Variants in GFRA1 observed in about 807,000 individuals in gnomAD.
The protein encoded by GFRA1 is GDNF family receptor alpha-1.
In GFRA1, 16 loss-of-function variants were observed where a neutral mutation model predicts 51.6. That is an observed-to-expected ratio of 0.31 (90% CI 0.21 to 0.47). GFRA1 has a LOEUF of 0.47. Among genes scored for constraint, GFRA1 ranks in the 20% least tolerant of loss-of-function variants. The pLI, the probability that GFRA1 is intolerant of heterozygous loss-of-function variation, is 1.00. For missense variants in GFRA1, 530 were observed against 594.3 expected (o/e 0.89, Z 1.13); for synonymous variants, 270 against 241.3 (o/e 1.12, Z -1.10).
At chr10:116,125,777 C>T (rs7914688) in intron 5 of GFRA1, among the ~76,000 whole-genome samples, 1 of 152,210 alleles carries the variant, frequency 6.6e-6, no homozygotes, top group African/African-American at 2.4e-5. Flanking sequence ...AATATTCCCA[C>T]AGATGTAGAA....
intron 9 of GFRA1, among the ~76,000 whole-genome samples, chr10:116,082,735 C>T (rs1955904532): frequency 6.6e-6 from 1 of 152,152 alleles, no homozygotes; most frequent in Non-Finnish European, 1.5e-5. Flanking sequence ...GCCTTGGCTT[C>T]CCAAAGTGCT....
At chr10:116,191,029 A>G (rs1027027199) in intron 5 of GFRA1, among the ~76,000 whole-genome samples, 2 of 152,218 alleles carry the variant, frequency 1.3e-5, no homozygotes, top group African/African-American at 4.8e-5. Flanking sequence ...TCCCATGGAG[A>G]AAAGGGCAAT....
At chr10:116,252,097 C>T (rs911469526) in intron 4 of GFRA1, among the ~76,000 whole-genome samples, 3 of 149,878 alleles carry the variant, frequency 2.0e-5, no homozygotes, top group Non-Finnish European at 2.9e-5. Context: ...ATTTGCCGGG[C>T]ATTTCCAGCC....
intron 6 of GFRA1, among the ~76,000 whole-genome samples, chr10:116,103,995 G>A: frequency 6.6e-6 from 1 of 151,770 alleles, no homozygotes; most frequent in Admixed American, 6.5e-5. Context: ...GAGCTGAGGA[G>A]CTGAGCTGCG....
rs550543733 is a variant in GFRA1, at chr10:116,185,109, A to G, written c.433+26522T>C. Reference sequence around the variant, plus strand: ...CTAGTGAAGGGCTGTAATTACTGCAATGTAACATACAGCATGGTGGTATGA... The same window carrying G: ...CTAGTGAAGGGCTGTAATTACTGCAGTGTAACATACAGCATGGTGGTATGA... On this transcript the variant is annotated intron_variant, in intron 5 of 10. Coordinates refer to ENST00000355422, the MANE Select transcript of GFRA1 (RefSeq NM_005264.8). Among the ~76,000 whole-genome samples, 6 of 152,290 alleles carry G rather than the reference A, an allele frequency of 3.9e-5. No individual in the cohort carries two copies. The South Asian group carries it at 1.2e-3, about 32-fold the overall frequency.
At chr10:116,205,514 G>A (rs557510137) in intron 5 of GFRA1, among the ~76,000 whole-genome samples, 33 of 151,392 alleles carry the variant, frequency 2.2e-4, no homozygotes, top group African/African-American at 6.5e-4. Flanking sequence ...GGCAGAGGTT[G>A]CAGTGAGCTG....
At chr10:116,263,918 C>T (rs1343665484) in intron 4 of GFRA1, among the ~76,000 whole-genome samples, 1 of 152,128 alleles carries the variant, frequency 6.6e-6, no homozygotes, top group Non-Finnish European at 1.5e-5. Flanking sequence ...GATGACTTCA[C>T]AGCTTATAGT....
intron 9 of GFRA1, among the ~76,000 whole-genome samples, chr10:116,072,065 C>T (rs926329519): frequency 6.6e-6 from 1 of 151,944 alleles, no homozygotes; most frequent in African/African-American, 2.4e-5. Flanking sequence ...CACACCTAAT[C>T]CAAAGGCTTT....
At chr10:116,235,412 T>C (rs1055439184) in intron 4 of GFRA1, among the ~76,000 whole-genome samples, 19 of 150,860 alleles carry the variant, frequency 1.3e-4, no homozygotes, top group Non-Finnish European at 2.7e-4. Context: ...CAATATCTGA[T>C]TGGATATCCA....
At position 116,091,471 on chromosome 10, in the gene GFRA1, C is replaced by G. The variant is rs1355043123; in HGVS notation, c.1016-1549G>C. On this transcript the variant is annotated intron_variant, in intron 8 of 10. Coordinates refer to ENST00000355422, the MANE Select transcript of GFRA1 (RefSeq NM_005264.8). ...GGAGTTGGTACTTAGATAAACGGAT[C>G]CAGGAAGGCCTCCTGGTGAAGGTGC... Among the ~76,000 whole-genome samples the G allele has an allele frequency of 3.9e-5, 6 of 152,222 alleles. No homozygotes were observed. The East Asian group carries it at 1.2e-3, about 29-fold the overall frequency.
rs775910055 is a variant in GFRA1, at chr10:116,093,655, G to A, written c.1015+47C>T. 1.0e-4 allele frequency: 165 copies of A among 1,573,678 alleles called. 3 individuals are homozygous for A. The South Asian group carries it at 1.8e-3, about 17-fold the overall frequency. Reference sequence around the variant, plus strand: ...ACAAGAGGTACAGCTGGAGCTCGGAGAAGAAAATGCGTTTGCTCCTTTGTT... The same window carrying A: ...ACAAGAGGTACAGCTGGAGCTCGGAAAAGAAAATGCGTTTGCTCCTTTGTT... On this transcript the variant is annotated intron_variant, in intron 8 of 10. Transcript: ENST00000355422.
chr10:116,201,950 G>A (rs1350848253), intron 5 of GFRA1, among the ~76,000 whole-genome samples: 3 of 152,120 alleles, frequency 2.0e-5, no homozygotes, highest in Non-Finnish European at 4.4e-5. Context: ...CCAGAGTTCT[G>A]CCTCAACCTC....
chr10:116,177,828 G>A (rs1196010283), intron 5 of GFRA1, among the ~76,000 whole-genome samples: 1 of 152,126 alleles, frequency 6.6e-6, no homozygotes, highest in Non-Finnish European at 1.5e-5. Flanking sequence ...GGCCCACTGA[G>A]GACAAAGCCA....
rs539384145 is a variant in GFRA1 at position 116,242,831 on chromosome 10, G to A, written c.418+26672C>T. Among the ~76,000 whole-genome samples, 9 of 152,200 alleles carry A rather than the reference G, an allele frequency of 5.9e-5. No individual in the cohort carries two copies. The South Asian group carries it at 1.7e-3, about 28-fold the overall frequency. ...TCCTTACCCAAATTGGCCCCTTTTG[G>A]CTTCAGAAACCACATTTCCATCAAA... On this transcript the variant is annotated intron_variant, in intron 4 of 10. Transcript: ENST00000355422.
At chr10:116,065,472 T>C (rs1955059285) in intron 10 of GFRA1, 101 bp downstream of exon 10, 3 of 924,962 alleles carry the variant, frequency 3.2e-6, no homozygotes, top group Non-Finnish European at 5.3e-6. Context: ...GTGGACTGGA[T>C]ACCTTCTTGT....
rs1222554599 is a variant in GFRA1, at chr10:116,125,226, G to C, written c.765C>G (p.Ile255Met). Residue 255 changes from isoleucine to methionine, a missense_variant, in exon 6 of 11, where the codon ATC (isoleucine) becomes ATG (methionine). Ile to Met is a conservative substitution (Grantham distance 10). Transcript: ENST00000355422. The stretch of plus-strand genomic sequence containing the variant: ...AGCTGCCAGTGCCCACTTACCTGCA[G>C]ATGTAATTCGTCTTGCAGGAGTCCT... Reference protein sequence around the residue: ...NLQDSCKTNYICRSRLADFFT... With the variant: ...NLQDSCKTNYMCRSRLADFFT... The C allele has an allele frequency of 1.2e-6, 2 of 1,613,306 alleles. No individual in the cohort carries two copies. The highest frequency in any genetic ancestry group is 1.7e-5 in the Admixed American group (1 of 60,022).
intron 4 of GFRA1, among the ~76,000 whole-genome samples, chr10:116,241,287 C>T (rs1967347843): frequency 6.6e-6 from 1 of 152,188 alleles, no homozygotes. Flanking sequence ...CCCATACTTT[C>T]GTCCAACTAT....
At chr10:116,078,723 G>T (rs770157775) in intron 9 of GFRA1, among the ~76,000 whole-genome samples, 2 of 152,116 alleles carry the variant, frequency 1.3e-5, no homozygotes, top group African/African-American at 4.8e-5. Context: ...AAATAACAGC[G>T]GGTGCTAGAA....
At chr10:116,097,942 C>A (rs1194491894) in intron 6 of GFRA1, among the ~76,000 whole-genome samples, 1 of 152,150 alleles carries the variant, frequency 6.6e-6, no homozygotes, top group East Asian at 1.9e-4. Context: ...ATTATGCATC[C>A]CTTTCCTGCA....
Sources: gnomAD v4.1 joint callset for allele counts (sites outside exome capture counted in the v4.1 genomes callset) on GRCh38, gnomAD v4.1.1 for gene constraint, MANE v1.5 for transcripts, NCBI Gene and HGNC (gene_info 2026-07-23, HGNC 2026-07-21) for gene names.